The following MAN1A2 variants were observed in gnomAD, a reference collection of about 807,000 sequenced individuals.
MAN1A2 encodes mannosidase alpha class 1A member 2.
MAN1A2 carries 26 observed loss-of-function variants against 75.7 expected under a neutral mutation model. That is an observed-to-expected ratio of 0.34 (90% confidence interval 0.25 to 0.48). The LOEUF (loss-of-function observed/expected upper bound fraction) is 0.48, where lower values mean the gene tolerates loss of function less well. MAN1A2 is among the 20% of genes least tolerant of loss of function. MAN1A2 has a pLI of 0.99. For missense variants in MAN1A2, 562 were observed against 775.5 expected (o/e 0.72, Z 3.27); for synonymous variants, 247 against 264.6 (o/e 0.93, Z 0.65).
intron 4 of MAN1A2, among the ~76,000 whole-genome samples, chr1:117,416,877 A>G (rs1648010466): frequency 6.6e-6 from 1 of 152,270 alleles, no homozygotes. Context: ...CAAGTGCTTG[A>G]TATCTGTAAA....
At chr1:117,400,490 G>A (rs2101751597) in intron 1 of MAN1A2, among the ~76,000 whole-genome samples, 1 of 148,554 alleles carries the variant, frequency 6.7e-6, no homozygotes. Context: ...AAACTCCCTT[G>A]TGTTATTCCT....
chr1:117,434,942 G>A (rs962424012), intron 5 of MAN1A2, among the ~76,000 whole-genome samples: 1 of 151,910 alleles, frequency 6.6e-6, no homozygotes, highest in Non-Finnish European at 1.5e-5. Flanking sequence ...ACGTGGAGGG[G>A]GGTATAAAAC....
chr1:117,405,351 A>AT (rs35894696), intron 2 of MAN1A2, among the ~76,000 whole-genome samples, 198 bp from the exon 3 acceptor site: 4,880 of 152,206 alleles, frequency 0.032, 111 homozygotes, highest in Non-Finnish European at 0.045. Flanking sequence ...TATTATGCCC[A>AT]TTTTTTTCCT....
At position 117,487,762 on chromosome 1, in the gene MAN1A2, C is replaced by T. The variant is rs2101867421; in HGVS notation, c.1169-5385C>T. ...AATGTGCTGAAAAGGTACCACTAAC[C>T]TTTACCCCATCCCAAATGCCCATTA... On this transcript the variant is annotated intron_variant, in intron 8 of 12. Transcript: ENST00000356554. 1.3e-5 allele frequency among the ~76,000 whole-genome samples: 2 copies of T among 152,162 alleles called. 1 individual carries two copies. Among genetic ancestry groups the T allele is most frequent in the South Asian group, 4.1e-4 (2 of 4,820 alleles).
rs149623879 is a variant in MAN1A2, at chr1:117,415,782, A to G, written c.774+951A>G. On this transcript the variant is annotated intron_variant, in intron 4 of 12. Coordinates refer to ENST00000356554, the MANE Select transcript of MAN1A2 (RefSeq NM_006699.5). ...TGTTGTTCTGTTGGCTTCAGTGTAT[A>G]TCTTAGACCTCATGATATGAAATGG... 2.5e-3 allele frequency among the ~76,000 whole-genome samples: 379 copies of G among 152,136 alleles called. 1 individual carries two copies. The highest frequency in any genetic ancestry group is 8.0e-3 in the African/African-American group (331 of 41,520).
chr1:117,400,949 A>C (rs577811924), intron 1 of MAN1A2, among the ~76,000 whole-genome samples: 18 of 152,028 alleles, frequency 1.2e-4, no homozygotes, highest in Non-Finnish European at 2.4e-4. Flanking sequence ...CATCACCATC[A>C]TCCATTTCCA....
intron 9 of MAN1A2, among the ~76,000 whole-genome samples, chr1:117,495,451 T>G (rs536407889): frequency 1.2e-4 from 18 of 151,916 alleles, no homozygotes; most frequent in Non-Finnish European, 2.4e-4. Flanking sequence ...TTGAAATACA[T>G]TATTTTTAAA....
At chr1:117,405,713 T>C (rs1647592300) in intron 3 of MAN1A2, 68 bp downstream of exon 3, 1 of 896,252 alleles carries the variant, frequency 1.1e-6, no homozygotes, top group Non-Finnish European at 1.9e-6. Context: ...GATGTAACTT[T>C]TCAAAGTACT....
chr1:117,422,260 A>G (rs954400435), intron 5 of MAN1A2, among the ~76,000 whole-genome samples: 2 of 152,074 alleles, frequency 1.3e-5, no homozygotes, highest in African/African-American at 2.4e-5. Flanking sequence ...TCTACAGTTA[A>G]GAATGCTGGC....
intron 12 of MAN1A2, chr1:117,515,576 C>T (rs1278391439): frequency 6.6e-6 from 1 of 151,920 alleles, no homozygotes; most frequent in Non-Finnish European, 1.5e-5. Flanking sequence ...GAAAAAATAC[C>T]TTTAAAAAAA....
chr1:117,397,640 A>ACC (rs374857119), intron 1 of MAN1A2, among the ~76,000 whole-genome samples: 2 of 117,570 alleles, frequency 1.7e-5, no homozygotes, highest in Non-Finnish European at 3.6e-5. Flanking sequence ...GCTGTTTATA[A>ACC]CCCCCTTTTT....
chr1:117,507,306 C>T (rs1021552857), intron 12 of MAN1A2, among the ~76,000 whole-genome samples: 1 of 151,458 alleles, frequency 6.6e-6, no homozygotes, highest in Non-Finnish European at 1.5e-5. Context: ...GCCTTCAGAC[C>T]TCTCAAGAAC....
rs1652829164 is a variant in MAN1A2 at position 117,368,110 on chromosome 1, AAG to A, written c.-72_-71del. 2.1e-6 allele frequency: 3 copies of A among 1,422,362 alleles called. No individual in the cohort carries two copies. The highest frequency in any genetic ancestry group is 2.8e-6 in the Non-Finnish European group (3 of 1,059,274). 88.1% of individuals were successfully genotyped at this position (1,422,362 alleles called of 1,614,324 possible). A position where few individuals can be genotyped will look rare whatever the true frequency, so the allele number is the denominator to read the frequency against. The stretch of plus-strand genomic sequence containing the variant: ...TTTTCCCATTTTGGCCAAGATTTTG[AAG>A]ACAGTTCAATGTATTCTACATTTGA... On this transcript the variant is annotated 5_prime_UTR_variant, in exon 1 of 13. It removes the in-frame stop codon of an upstream open reading frame in the 5' UTR. Transcript: ENST00000356554.
In MAN1A2 at chr1:117,393,483, T is replaced by C. The variant is rs115543389; in HGVS notation, c.303-8703T>C. The stretch of plus-strand genomic sequence containing the variant: ...TATATAACTGCTTCAACTATTTTTT[T>C]TTTTGTGTGTGTGTGTGTTTTCCTG... On this transcript the variant is annotated intron_variant, in intron 1 of 12. Coordinates refer to ENST00000356554, the MANE Select transcript of MAN1A2 (RefSeq NM_006699.5). Among the ~76,000 whole-genome samples the C allele has an allele frequency of 7.9e-3, 1,200 of 151,778 alleles. 12 individuals are homozygous for C. Among genetic ancestry groups the C allele is most frequent in the African/African-American group, 0.027 (1,128 of 41,218 alleles).
At chr1:117,399,302 C>T (rs1316011) in intron 1 of MAN1A2, among the ~76,000 whole-genome samples, 117,924 of 152,060 alleles carry the variant, frequency 0.78, 46,043 homozygotes, top group African/African-American at 0.85. Flanking sequence ...CAAACATGGT[C>T]GGGGATTCCA....
At chr1:117,412,660 T>A (rs575986080) in intron 3 of MAN1A2, among the ~76,000 whole-genome samples, 13 of 151,872 alleles carry the variant, frequency 8.6e-5, no homozygotes, top group Non-Finnish European at 1.3e-4. Flanking sequence ...TTATGATGTT[T>A]TATATATTTT....
chr1:117,497,803 A>G (rs1651076917), intron 10 of MAN1A2, among the ~76,000 whole-genome samples: 1 of 151,910 alleles, frequency 6.6e-6, no homozygotes, highest in African/African-American at 2.4e-5. Context: ...CTTTAAAAAC[A>G]TGAGTTTCTA....
At position 117,368,022 on chromosome 1, in the gene MAN1A2, A is replaced by G; in HGVS notation, c.-162A>G. The G allele has an allele frequency of 1.6e-6, 1 of 639,904 alleles. No individual in the cohort carries two copies. Among genetic ancestry groups the G allele is most frequent in the East Asian group, 2.7e-5 (1 of 36,972 alleles). The allele number at this position is 639,904 out of a possible 1,614,324, so 39.6% of individuals were successfully genotyped here. A position where few individuals can be genotyped will look rare whatever the true frequency, so the allele number is the denominator to read the frequency against. On this transcript the variant is annotated 5_prime_UTR_variant, in exon 1 of 13. The change abolishes an upstream ATG in the 5' untranslated region. Coordinates refer to ENST00000356554, the MANE Select transcript of MAN1A2 (RefSeq NM_006699.5). ...CACACACGTTTCTGAGTGGGAATGG[A>G]TGGGCGTGAATGACGTGCCCTCTTA...
At chr1:117,447,854 T>C (rs982195801) in intron 6 of MAN1A2, among the ~76,000 whole-genome samples, 1 of 152,162 alleles carries the variant, frequency 6.6e-6, no homozygotes, top group African/African-American at 2.4e-5. Flanking sequence ...AGTTGGGTAA[T>C]GTGATGCCTC....
Sources: allele counts gnomAD v4.1 joint callset (sites outside exome capture counted in the v4.1 genomes callset), GRCh38; gene constraint gnomAD v4.1.1; transcripts MANE v1.5; gene names NCBI Gene and HGNC (gene_info 2026-07-23, HGNC 2026-07-21).